The following TTLL7 variants were observed in gnomAD, a reference collection of about 807,000 sequenced individuals.
TTLL7 encodes the protein tubulin tyrosine ligase like 7, also known as tubulin polyglutamylase TTLL7.
TTLL7 carries 53 observed loss-of-function variants against 120.2 expected under a neutral mutation model. That is an observed-to-expected ratio of 0.44 (90% CI 0.35 to 0.55). TTLL7 has a LOEUF of 0.55. TTLL7 is among the 20% of genes least tolerant of loss of function. TTLL7 has a pLI of 0.00. For synonymous variants in TTLL7, 353 were observed against 351.7 expected (o/e 1.00, Z -0.04); for missense variants, 803 against 1,054.7 (o/e 0.76, Z 3.31).
intron 9 of TTLL7, 71 bp from the exon 10 acceptor site, chr1:83,929,301 G>T (rs1190012109): frequency 1.7e-6 from 2 of 1,182,034 alleles, no homozygotes; most frequent in Non-Finnish European, 2.4e-6. Flanking sequence ...ATCCAATGTG[G>T]GATCTCTAGC....
chr1:83,905,475 T>C (rs1359731198), intron 17 of TTLL7, among the ~76,000 whole-genome samples: 2 of 151,478 alleles, frequency 1.3e-5, no homozygotes, highest in East Asian at 3.9e-4. Flanking sequence ...TGCATGGCTG[T>C]AGTTTTTATC....
rs977216885 is a variant in TTLL7, at chr1:83,865,985, C to T, written c.*3977G>A. 2.0e-5 allele frequency: 3 copies of T among 151,758 alleles called. No homozygotes were observed. The highest frequency in any genetic ancestry group is 2.1e-4 in the South Asian group (1 of 4,818). 9.4% of individuals were successfully genotyped at this position (151,758 alleles called of 1,614,324 possible). A position where few individuals can be genotyped will look rare whatever the true frequency, so the allele number is the denominator to read the frequency against. ...GCCCAAAATATTTAGATAACTAATA[C>T]GGCCCTTGAAAACTTAAATTTCTTA... On this transcript the variant is annotated 3_prime_UTR_variant, in exon 21 of 21. Transcript: ENST00000260505.
chr1:83,997,562 G>A (rs1653599848), intron 1 of TTLL7, among the ~76,000 whole-genome samples: 1 of 152,132 alleles, frequency 6.6e-6, no homozygotes, highest in Admixed American at 6.5e-5. Context: ...ATGGCTTACT[G>A]AGTGGTCTTG....
At chr1:83,879,750 A>G (rs1289222960) in intron 20 of TTLL7, 1 of 152,018 alleles carries the variant, frequency 6.6e-6, no homozygotes, top group African/African-American at 2.4e-5. Context: ...GTATTTACTG[A>G]CATCTCAAAA....
chr1:83,899,808 C>A (rs971211222), intron 18 of TTLL7, among the ~76,000 whole-genome samples: 1 of 151,932 alleles, frequency 6.6e-6, no homozygotes, highest in Non-Finnish European at 1.5e-5. Context: ...CCTCCCCTCA[C>A]ATTAGTGCTT....
chr1:83,886,455 C>A lies in TTLL7; in HGVS notation c.2370-3319G>T, dbSNP rs562715261. 4.9e-4 allele frequency among the ~76,000 whole-genome samples: 74 copies of A among 152,086 alleles called. 1 individual carries two copies. The highest frequency in any genetic ancestry group is 1.7e-3 in the African/African-American group (69 of 41,518). On this transcript the variant is annotated intron_variant, in intron 19 of 20. Transcript: ENST00000260505. ...TAATGACCTAAAAAGTATAACAACA[C>A]ATCCAATTGAAAGTGATATGAAAAC... is the stretch of plus-strand genomic sequence containing the variant.
chr1:83,978,346 C>A (rs1467576897), intron 1 of TTLL7, among the ~76,000 whole-genome samples: 1 of 152,088 alleles, frequency 6.6e-6, no homozygotes. Flanking sequence ...AGATGAGAAA[C>A]CACTAATTAG....
intron 1 of TTLL7, among the ~76,000 whole-genome samples, chr1:83,974,635 C>T (rs943658027): frequency 3.3e-5 from 5 of 151,936 alleles, no homozygotes; most frequent in Admixed American, 3.3e-4. Context: ...ATGGCAGACG[C>T]TATTTGTTGG....
intron 1 of TTLL7, among the ~76,000 whole-genome samples, chr1:83,968,713 T>C (rs988148458): frequency 2.0e-5 from 3 of 152,044 alleles, no homozygotes; most frequent in Admixed American, 1.3e-4. Flanking sequence ...CATCTTATAC[T>C]GTCAAGGAAA....
At position 83,917,664 on chromosome 1, in the gene TTLL7, C is replaced by A; in HGVS notation, c.1527G>T (p.Glu509Asp). The A allele has an allele frequency of 6.2e-7, 1 of 1,612,986 alleles. No individual in the cohort carries two copies. Among genetic ancestry groups the A allele is most frequent in the Non-Finnish European group, 8.5e-7 (1 of 1,179,178 alleles). ...MKEEDILDLLEQCEIDDEKLM... is the reference protein window; with the variant it reads ...MKEEDILDLLDQCEIDDEKLM... ...ACTTTTCATCATCAATTTCACATTGCTCCAGAAGATCCAAAATATCTTCTT... is the reference window on the plus strand; with the variant it reads ...ACTTTTCATCATCAATTTCACATTGATCCAGAAGATCCAAAATATCTTCTT... The change falls in exon 14 of 21, where the codon GAG becomes GAT. Residue 509 changes from glutamate to aspartate, a missense_variant. Glu to Asp is a conservative substitution (Grantham distance 45). Transcript: ENST00000260505.
chr1:83,954,776 GA>G (rs934198705), intron 1 of TTLL7, among the ~76,000 whole-genome samples: 1 of 133,168 alleles, frequency 7.5e-6, no homozygotes, highest in Non-Finnish European at 1.6e-5. Context: ...GAAATTATAA[GA>G]AAAAAAGTAA....
At chr1:83,967,664 C>T (rs1650594109) in intron 1 of TTLL7, among the ~76,000 whole-genome samples, 1 of 151,978 alleles carries the variant, frequency 6.6e-6, no homozygotes, top group African/African-American at 2.4e-5. Context: ...AACTAAGACC[C>T]CTTTTCACTC....
chr1:83,990,167 C>CTT (rs35374044), intron 1 of TTLL7, among the ~76,000 whole-genome samples: 5,758 of 116,874 alleles, frequency 0.049, 371 homozygotes, highest in African/African-American at 0.085. Context: ...ATTTGGATGC[C>CTT]TTTTTTTTTT....
At position 83,904,148 on chromosome 1, in the gene TTLL7, G is replaced by C; in HGVS notation, c.2139C>G (p.Asn713Lys). 1 of 1,611,340 alleles carries C rather than the reference G, an allele frequency of 6.2e-7. No individual in the cohort carries two copies. Among genetic ancestry groups the C allele is most frequent in the Non-Finnish European group, 8.5e-7 (1 of 1,178,454 alleles). ...SELLIEDIID[N>K]WKYHKTKVAS... ...CCACTTTGGTTTTATGATACTTCCA[G>C]TTATCAATGATCTGTTTGGAAGGAG... Residue 713 changes from asparagine to lysine, a missense_variant, in exon 18 of 21, where the codon AAC becomes AAG. Around this residue, in one of 3 missense-constraint regions of TTLL7, gnomAD observed 388 missense variants for 450.4 expected, o/e 0.86. Coordinates refer to ENST00000260505, the MANE Select transcript of TTLL7 (RefSeq NM_024686.6).
intron 7 of TTLL7, among the ~76,000 whole-genome samples, chr1:83,939,896 T>C (rs1024506015): frequency 2.0e-5 from 3 of 152,136 alleles, no homozygotes; most frequent in African/African-American, 7.2e-5. Flanking sequence ...ATGAGAGCAC[T>C]TTGGTTTAAT....
At chr1:83,892,307 C>T (rs374306879) in intron 18 of TTLL7, among the ~76,000 whole-genome samples, 2 of 66,158 alleles carry the variant, frequency 3.0e-5, no homozygotes, top group Admixed American at 1.8e-4. Flanking sequence ...AATATATATA[C>T]GAATATATAT....
chr1:83,964,944 T>A (rs1650317857), intron 1 of TTLL7, among the ~76,000 whole-genome samples: 1 of 152,124 alleles, frequency 6.6e-6, no homozygotes, highest in African/African-American at 2.4e-5. Context: ...AAATTATCCA[T>A]ATATGCAAGT....
intron 1 of TTLL7, chr1:83,980,509 T>G (rs1336351874): frequency 1.3e-5 from 2 of 152,198 alleles, no homozygotes; most frequent in Non-Finnish European, 2.9e-5. Context: ...TGAAAGAAAG[T>G]AACTGTTAAT....
Position 83,942,664 on chromosome 1 carries a change from T to A in TTLL7, c.522A>T (p.Arg174Ser), listed in dbSNP as rs1444115297. 6.2e-7 allele frequency: 1 copy of A among 1,611,958 alleles called. No individual in the cohort carries two copies. Among genetic ancestry groups the A allele is most frequent in the South Asian group, 1.1e-5 (1 of 90,832 alleles). The change falls in exon 7 of 21, where the codon AGA becomes AGT. Residue 174 changes from arginine to serine, a missense_variant. Arg to Ser is a moderately radical substitution (Grantham distance 110). Coordinates refer to ENST00000260505, the MANE Select transcript of TTLL7 (RefSeq NM_024686.6). ...CCTGAGATGGAAGTTTGTCACCATT[T>A]CTTATCAAAGAAATCCTATGTTTAA... ...GAMGHGISLIRNGDKLPSQDH... is the reference protein window; with the variant it reads ...GAMGHGISLISNGDKLPSQDH...
Sources: gnomAD v4.1 joint callset for allele counts (sites outside exome capture counted in the v4.1 genomes callset) on GRCh38, gnomAD v4.1.1 for gene constraint, gnomAD v4.1.1 regional missense constraint, MANE v1.5 for transcripts, NCBI Gene and HGNC (gene_info 2026-07-23, HGNC 2026-07-21) for gene names.